EML5: variants seen among roughly 807,000 people sequenced by gnomAD.
EML5 encodes the protein EMAP like 5.
EML5 carries 120 observed loss-of-function variants against 250.0 expected under a neutral mutation model. That is an observed-to-expected ratio of 0.48 (90% CI 0.41 to 0.56). EML5 has a LOEUF of 0.56. Among genes scored for constraint, EML5 ranks in the 20% least tolerant of loss-of-function variants. EML5 has a pLI of 0.00. For missense variants in EML5, 2,006 were observed against 2,437.6 expected, an observed-to-expected ratio of 0.82 and a Z score of 3.73; for synonymous variants, 771 against 806.5, an observed-to-expected ratio of 0.96 and a Z score of 0.75.
chr14:88,785,019 A>C (rs1161114847), intron 1 of EML5, among the ~76,000 whole-genome samples: 1 of 152,236 alleles, frequency 6.6e-6, no homozygotes, highest in Non-Finnish European at 1.5e-5. Context: ...CCATAAAAAA[A>C]CGAGATCCTG....
chr14:88,749,822 G>A (rs1325761422), intron 2 of EML5, among the ~76,000 whole-genome samples: 1 of 151,992 alleles, frequency 6.6e-6, no homozygotes, highest in Admixed American at 6.6e-5. Flanking sequence ...CCAAATATTT[G>A]GAAATTAACA....
chr14:88,697,373 A>C (rs2093103166), intron 14 of EML5, among the ~76,000 whole-genome samples: 1 of 152,234 alleles, frequency 6.6e-6, no homozygotes, highest in African/African-American at 2.4e-5. Flanking sequence ...GGCTGTGCAG[A>C]ATGAGTCCAT....
intron 21 of EML5, 51 bp downstream of exon 21, chr14:88,681,839 G>C: frequency 6.5e-7 from 1 of 1,527,286 alleles, no homozygotes; most frequent in South Asian, 1.3e-5. Context: ...ATTTGTAAAG[G>C]TTAGAAAACT....
chr14:88,640,579 C>T (rs1369151707), intron 31 of EML5, among the ~76,000 whole-genome samples: 1 of 152,136 alleles, frequency 6.6e-6, no homozygotes, highest in Non-Finnish European at 1.5e-5. Flanking sequence ...GGAAAGCTTA[C>T]AGTGCTAAAT....
In EML5 at chr14:88,619,068, T is replaced by TA. The variant is rs2088323133; in HGVS notation, c.5376-257dup. Reference sequence around the variant, plus strand: ...ATTCCTTTAAAAACGTCTAATGGCTTAAAAAAACTTTCTTAGGCCAGGCCC... The same window carrying TA: ...ATTCCTTTAAAAACGTCTAATGGCTTAAAAAAAACTTTCTTAGGCCAGGCCC... On this transcript the variant is annotated intron_variant, in intron 39 of 43. Coordinates refer to ENST00000554922, the MANE Select transcript of EML5 (RefSeq NM_183387.3). 6 of 273,456 alleles carry TA rather than the reference T, an allele frequency of 2.2e-5. No individual in the cohort carries two copies. The South Asian group carries it at 3.8e-4, about 17-fold the overall frequency. The allele number at this position is 273,456 out of a possible 1,614,324, so 16.9% of individuals were successfully genotyped here.
chr14:88,741,511 A>T (rs191006841), intron 4 of EML5, among the ~76,000 whole-genome samples: 1 of 152,272 alleles, frequency 6.6e-6, no homozygotes, highest in South Asian at 2.1e-4. Flanking sequence ...AATTAGGTAA[A>T]TTTTTATAGT....
chr14:88,618,774 C>G lies in EML5; in HGVS notation c.5414G>C (p.Ser1805Thr). ...PDSRYLAVGS[S>T]ENSVDFYDLT... Reference sequence around the variant, plus strand: ...GTCATAAAAATCCACTGAGTTCTCACTAGAACCTACTGCCAGATACCGGGA... The same window carrying G: ...GTCATAAAAATCCACTGAGTTCTCAGTAGAACCTACTGCCAGATACCGGGA... Residue 1805 changes from serine (S) to threonine (T), a missense_variant, in exon 40 of 44, where the codon AGT (serine) becomes ACT (threonine). Coordinates refer to ENST00000554922, the MANE Select transcript of EML5 (RefSeq NM_183387.3). 1 of 1,598,650 alleles carries G rather than the reference C, an allele frequency of 6.3e-7. No individual in the cohort carries two copies. Among genetic ancestry groups the G allele is most frequent in the Non-Finnish European group, 8.5e-7 (1 of 1,171,412 alleles).
chr14:88,736,478 T>G lies in EML5; in HGVS notation c.935A>C (p.Glu312Ala), dbSNP rs1371310054. 1 of 1,614,076 alleles carries G rather than the reference T, an allele frequency of 6.2e-7. No homozygotes were observed. The highest frequency in any genetic ancestry group is 8.5e-7 in the Non-Finnish European group (1 of 1,179,904). ...CATAATTAGAAAAGGTTTATTTCTTTCTTGCACCACAATTTCAAAAATTTC... is the reference window on the plus strand; with the variant it reads ...CATAATTAGAAAAGGTTTATTTCTTGCTTGCACCACAATTTCAAAAATTTC... ...DSEIFEIVVQ[E>A]RNKPFLIMQG... Residue 312 changes from glutamate to alanine, a missense_variant, in exon 7 of 44, where the codon GAA becomes GCA. Glu to Ala is a moderately radical substitution (Grantham distance 107, BLOSUM62 -1). Coordinates refer to ENST00000554922, the MANE Select transcript of EML5 (RefSeq NM_183387.3).
chr14:88,621,425 C>A, intron 37 of EML5, 124 bp from the exon 38 acceptor site: 1 of 1,085,364 alleles, frequency 9.2e-7, no homozygotes, highest in Non-Finnish European at 1.4e-6. Flanking sequence ...AATCTAGTAG[C>A]AAGGCAGTCA....
chr14:88,775,905 A>AAG (rs36018473), intron 1 of EML5, among the ~76,000 whole-genome samples: 13,053 of 150,544 alleles, frequency 0.087, 664 homozygotes, highest in Non-Finnish European at 0.12. Context: ...GGTGGCTCAG[A>AAG]AGAGAGAGAG....
At chr14:88,754,334 G>A (rs1247664562) in intron 2 of EML5, among the ~76,000 whole-genome samples, 178 bp downstream of exon 2, 1 of 151,978 alleles carries the variant, frequency 6.6e-6, no homozygotes, top group Non-Finnish European at 1.5e-5. Flanking sequence ...GAAAGTTCTT[G>A]ACATGATGAA....
chr14:88,640,861 T>C (rs527766609), intron 31 of EML5, among the ~76,000 whole-genome samples: 29 of 151,828 alleles, frequency 1.9e-4, no homozygotes, highest in Admixed American at 6.6e-4. Context: ...CAATAAAAAA[T>C]GACAAAGATC....
intron 1 of EML5, among the ~76,000 whole-genome samples, chr14:88,769,324 A>T (rs1318354869): frequency 6.6e-6 from 1 of 151,788 alleles, no homozygotes; most frequent in African/African-American, 2.4e-5. Context: ...GCTTCCTTCT[A>T]CTCTAGCCAT....
chr14:88,675,327 G>A (rs1486337268), intron 21 of EML5, among the ~76,000 whole-genome samples: 1 of 152,204 alleles, frequency 6.6e-6, no homozygotes, highest in Non-Finnish European at 1.5e-5. Flanking sequence ...TGAAATCTAG[G>A]TGGAGGTTCC....
intron 1 of EML5, among the ~76,000 whole-genome samples, chr14:88,764,563 CTAT>C (rs1200862684): frequency 6.6e-6 from 1 of 152,108 alleles, no homozygotes; most frequent in East Asian, 1.9e-4. Context: ...AGGTTTTTCT[CTAT>C]TGTTTCACTG....
At chr14:88,730,301 G>A (rs2093735208) in intron 7 of EML5, among the ~76,000 whole-genome samples, 1 of 152,086 alleles carries the variant, frequency 6.6e-6, no homozygotes, top group African/African-American at 2.4e-5. Context: ...AGAAAAATTA[G>A]AAAATTTAAA....
chr14:88,779,569 A>C (rs2094476799), intron 1 of EML5, among the ~76,000 whole-genome samples: 1 of 152,188 alleles, frequency 6.6e-6, no homozygotes, highest in Non-Finnish European at 1.5e-5. Flanking sequence ...TACCCTAATT[A>C]AAAAGCTCAA....
intron 32 of EML5, among the ~76,000 whole-genome samples, chr14:88,636,684 A>G (rs1310080113): frequency 6.6e-6 from 1 of 152,092 alleles, no homozygotes; most frequent in African/African-American, 2.4e-5. Context: ...AATAAAAGAT[A>G]AGAACTAGAT....
intron 1 of EML5, among the ~76,000 whole-genome samples, chr14:88,780,009 G>A (rs948819813): frequency 6.6e-6 from 1 of 152,012 alleles, no homozygotes; most frequent in Non-Finnish European, 1.5e-5. Context: ...GAGTACAGTG[G>A]TGCAATCTCG....
Sources: allele counts gnomAD v4.1 joint callset (sites outside exome capture counted in the v4.1 genomes callset), GRCh38; gene constraint gnomAD v4.1.1; transcripts MANE v1.5; gene names NCBI Gene and HGNC (gene_info 2026-07-23, HGNC 2026-07-21).